The following ERI3 variants were observed in gnomAD, a reference collection of about 807,000 sequenced individuals.
The protein encoded by ERI3 is ERI1 exoribonuclease 3.
Under a neutral mutation model 44.4 loss-of-function variants are expected in ERI3, and 18 were observed. The ratio of observed to expected loss-of-function variants is 0.41; its 90% CI spans 0.28 to 0.60. The LOEUF (loss-of-function observed/expected upper bound fraction) is 0.60, where lower values mean the gene tolerates loss of function less well. ERI3 is among the 20% of genes least tolerant of loss of function. The pLI is 0.36. For synonymous variants in ERI3, 183 were observed against 164.8 expected, an observed-to-expected ratio of 1.11 and a Z score of -0.84; for missense variants, 294 against 435.5, an observed-to-expected ratio of 0.68 and a Z score of 2.89.
chr1:44,295,981 A>T (rs1645602312), intron 6 of ERI3, among the ~76,000 whole-genome samples: 1 of 152,162 alleles, frequency 6.6e-6, no homozygotes, highest in African/African-American at 2.4e-5. Flanking sequence ...CCATCAACCA[A>T]GCCTACTGCG....
intron 7 of ERI3, among the ~76,000 whole-genome samples, chr1:44,250,335 G>A (rs1219194246): frequency 1.3e-5 from 2 of 152,188 alleles, no homozygotes; most frequent in Non-Finnish European, 2.9e-5. Context: ...GAGTCTTATC[G>A]CAGCTAAGCG....
At position 44,228,215 on chromosome 1, in the gene ERI3, C is replaced by A. The variant is rs938182591; in HGVS notation, c.932-6575G>T. Among the ~76,000 whole-genome samples, 6 of 152,110 alleles carry A rather than the reference C, an allele frequency of 3.9e-5. No individual in the cohort carries two copies. The highest frequency in any genetic ancestry group is 2.6e-4 in the Admixed American group (4 of 15,278). On this transcript the variant is annotated intron_variant, in intron 8 of 8. Transcript: ENST00000372257. This position sits in a 1 kb window ranked among gnomAD's most constrained non-coding sequence, Gnocchi z 4.3. ...CCTTACAGCCTCCACTCCAAAGTGA[C>A]CCCTTCTTTCAGCCCCTCCCCTCAG... is the stretch of plus-strand genomic sequence containing the variant.
chr1:44,222,479 CA>C (rs1643924608), intron 8 of ERI3, among the ~76,000 whole-genome samples: 1 of 152,216 alleles, frequency 6.6e-6, no homozygotes, highest in South Asian at 2.1e-4. Context: ...GACTCTATCA[CA>C]AACAGTTTCT....
At chr1:44,322,234 A>G (rs1010895083) in intron 3 of ERI3, among the ~76,000 whole-genome samples, 1 of 152,196 alleles carries the variant, frequency 6.6e-6, no homozygotes, top group Non-Finnish European at 1.5e-5. Flanking sequence ...GGGTTTCCGC[A>G]TTGCAGCAAA....
chr1:44,237,190 C>T (rs1271640324), intron 8 of ERI3, among the ~76,000 whole-genome samples: 3 of 152,134 alleles, frequency 2.0e-5, no homozygotes, highest in Non-Finnish European at 2.9e-5. Flanking sequence ...ACCAGGAACA[C>T]GGCTGGCAAC....
At chr1:44,249,539 C>T (rs1372338141) in intron 7 of ERI3, among the ~76,000 whole-genome samples, 1 of 152,192 alleles carries the variant, frequency 6.6e-6, no homozygotes, top group Non-Finnish European at 1.5e-5. Flanking sequence ...AGAAAGTGTA[C>T]TTAAACCTTA....
At chr1:44,230,739 A>T (rs1644162861) in intron 8 of ERI3, among the ~76,000 whole-genome samples, 2 of 152,148 alleles carry the variant, frequency 1.3e-5, no homozygotes, top group African/African-American at 2.4e-5. Context: ...TGCCTGCCAC[A>T]ACCTCTATAT....
chr1:44,302,109 C>G (rs1645738725), intron 6 of ERI3, among the ~76,000 whole-genome samples: 1 of 152,186 alleles, frequency 6.6e-6, no homozygotes, highest in Non-Finnish European at 1.5e-5. Flanking sequence ...CCTGCTGTGT[C>G]CCTAGGAAGG....
At chr1:44,232,727 G>GC (rs1644214345) in intron 8 of ERI3, among the ~76,000 whole-genome samples, 1 of 152,180 alleles carries the variant, frequency 6.6e-6, no homozygotes, top group African/African-American at 2.4e-5. Flanking sequence ...TATCATTCCT[G>GC]CAAGTCCCAG....
At chr1:44,347,144 C>T (rs1262176235) in intron 2 of ERI3, among the ~76,000 whole-genome samples, 3 of 152,112 alleles carry the variant, frequency 2.0e-5, no homozygotes, top group Non-Finnish European at 2.9e-5. Flanking sequence ...TCCCTCCATC[C>T]GACAGAGGAC....
chr1:44,325,373 C>G (rs905103347), intron 3 of ERI3, among the ~76,000 whole-genome samples: 1 of 152,126 alleles, frequency 6.6e-6, no homozygotes, highest in Non-Finnish European at 1.5e-5. Context: ...CCACGCCCGG[C>G]CCCTGGCTGC....
At position 44,352,879 on chromosome 1, in the gene ERI3, G is replaced by A; in HGVS notation, c.182C>T (p.Ala61Val). The A allele has an allele frequency of 1.2e-6, 2 of 1,614,144 alleles. No individual in the cohort carries two copies. Among genetic ancestry groups the A allele is most frequent in the East Asian group, 2.2e-5 (1 of 44,878 alleles). ...ALTEPSASPA[A>V]GLGIFEVRRV... ...CCTTACTTCGAAGATGCCAAGACCG[G>A]CAGCTGGGGATGCTGAAGGTTCTGT... The change falls in exon 2 of 9, where the codon GCC (alanine) becomes GTC (valine). Residue 61 changes from alanine (A) to valine (V), a missense_variant. Ala to Val is a moderately conservative substitution (Grantham distance 64). Around this residue, in one of 2 missense-constraint regions of ERI3, gnomAD observed 107 missense variants for 96.9 expected, o/e 1.10. Coordinates refer to ENST00000372257, the MANE Select transcript of ERI3 (RefSeq NM_024066.3).
At chr1:44,276,437 A>C (rs976571891) in intron 7 of ERI3, among the ~76,000 whole-genome samples, 27 of 152,250 alleles carry the variant, frequency 1.8e-4, no homozygotes, top group Non-Finnish European at 3.5e-4. Context: ...GTGTGCATGC[A>C]TACATACACA....
At chr1:44,335,888 CT>C (rs1282600019) in intron 3 of ERI3, among the ~76,000 whole-genome samples, 1 of 152,066 alleles carries the variant, frequency 6.6e-6, no homozygotes, top group African/African-American at 2.4e-5. Context: ...TATTCCGGTC[CT>C]TTTGCTGTCT....
chr1:44,248,627 A>C (rs1353593818), intron 7 of ERI3, among the ~76,000 whole-genome samples: 2 of 151,912 alleles, frequency 1.3e-5, no homozygotes, highest in African/African-American at 4.8e-5. Flanking sequence ...GAGAGGAGTA[A>C]GGTCACTTGG....
At chr1:44,278,836 C>T (rs1017285270) in intron 7 of ERI3, among the ~76,000 whole-genome samples, 7 of 152,220 alleles carry the variant, frequency 4.6e-5, no homozygotes, top group African/African-American at 1.4e-4. Context: ...CTCCTGACCT[C>T]AGGTGATCTG....
chr1:44,310,323 C>T (rs140517246), intron 5 of ERI3, among the ~76,000 whole-genome samples: 1,814 of 152,282 alleles, frequency 0.012, 24 homozygotes, highest in South Asian at 0.052. Context: ...GGCAAAGGTA[C>T]ATGTGCAATA....
At chr1:44,276,411 G>C (rs1358371334) in intron 7 of ERI3, among the ~76,000 whole-genome samples, 1 of 152,194 alleles carries the variant, frequency 6.6e-6, no homozygotes, top group Non-Finnish European at 1.5e-5. Flanking sequence ...ATATGCAATA[G>C]GTAAACATAT....
chr1:44,234,694 C>A (rs983265011), intron 8 of ERI3, among the ~76,000 whole-genome samples: 1 of 152,050 alleles, frequency 6.6e-6, no homozygotes, highest in Non-Finnish European at 1.5e-5. Flanking sequence ...AACAACAAAC[C>A]CTTCAATGAA....
Sources: gnomAD v4.1 joint callset for allele counts (sites outside exome capture counted in the v4.1 genomes callset) on GRCh38, gnomAD v4.1.1 for gene constraint, gnomAD v4.1.1 regional missense constraint, Gnocchi (gnomAD v3.1) non-coding constraint, MANE v1.5 for transcripts, NCBI Gene and HGNC (gene_info 2026-07-23, HGNC 2026-07-21) for gene names.